Variants in SORCS1 observed in about 807,000 individuals in gnomAD.
SORCS1 encodes VPS10 domain-containing receptor SorCS1.
Under a neutral mutation model 146.1 loss-of-function variants are expected in SORCS1, and 60 were observed. The observed-to-expected ratio is 0.41, with a 90% CI of 0.33 to 0.51. The LOEUF (loss-of-function observed/expected upper bound fraction) is 0.51. Among genes scored for constraint, SORCS1 ranks in the 20% least tolerant of loss-of-function variants. SORCS1 has a pLI of 0.21. For missense variants in SORCS1, 1,352 were observed against 1,487.6 expected, an observed-to-expected ratio of 0.91 and a Z score of 1.50; for synonymous variants, 637 against 584.0, an observed-to-expected ratio of 1.09 and a Z score of -1.31.
intron 1 of SORCS1, among the ~76,000 whole-genome samples, chr10:107,161,481 C>T (rs1322897308): frequency 1.3e-5 from 2 of 152,138 alleles, no homozygotes; most frequent in East Asian, 3.9e-4. Context: ...GTTGAGAGTT[C>T]CAAACAAGTG....
rs1954696204 is a variant in SORCS1 at position 106,951,743 on chromosome 10, A to C, written c.626+4770T>G. 2.0e-5 allele frequency among the ~76,000 whole-genome samples: 3 copies of C among 152,330 alleles called. No homozygotes were observed. In the South Asian group the frequency reaches 6.2e-4, roughly 32 times the overall value. ...GCTCTGTTTAAAAACACAGTTACTG[A>C]GCACTAGCTATATGCTAAGTCTTGT... is the stretch of plus-strand genomic sequence containing the variant. On this transcript the variant is annotated intron_variant, in intron 2 of 25. Coordinates refer to ENST00000263054, the MANE Select transcript of SORCS1 (RefSeq NM_052918.5).
At chr10:106,912,806 G>A (rs1447959002) in intron 2 of SORCS1, among the ~76,000 whole-genome samples, 1 of 152,020 alleles carries the variant, frequency 6.6e-6, no homozygotes, top group Non-Finnish European at 1.5e-5. Context: ...AGCCTCCTGA[G>A]TAGCTGGGAC....
At chr10:106,668,243 A>G (rs1410336735) in intron 16 of SORCS1, among the ~76,000 whole-genome samples, 1 of 152,194 alleles carries the variant, frequency 6.6e-6, no homozygotes, top group East Asian at 1.9e-4. Flanking sequence ...ATGCTCTTCC[A>G]AGACATCTGG....
intron 2 of SORCS1, among the ~76,000 whole-genome samples, chr10:106,833,168 A>G (rs1236815060): frequency 6.6e-6 from 1 of 152,122 alleles, no homozygotes; most frequent in Non-Finnish European, 1.5e-5. Flanking sequence ...TAATTCATCC[A>G]CCAATCCAGA....
intron 1 of SORCS1, among the ~76,000 whole-genome samples, chr10:106,983,421 CAT>C (rs2139372614): frequency 6.6e-6 from 1 of 152,038 alleles, no homozygotes; most frequent in African/African-American, 2.4e-5. Flanking sequence ...TACTTTACCT[CAT>C]AGGTAGTAGA....
At chr10:106,781,766 A>G (rs924398950) in intron 3 of SORCS1, among the ~76,000 whole-genome samples, 1 of 152,198 alleles carries the variant, frequency 6.6e-6, no homozygotes, top group Non-Finnish European at 1.5e-5. Context: ...TGAGGGAAAG[A>G]GCAATTAAGT....
chr10:106,770,490 A>G (rs1859938271), intron 4 of SORCS1, among the ~76,000 whole-genome samples: 1 of 152,138 alleles, frequency 6.6e-6, no homozygotes. Context: ...CAAAAAAAAA[A>G]AAAAAATTAA....
At chr10:107,135,165 A>G (rs1234000112) in intron 1 of SORCS1, among the ~76,000 whole-genome samples, 2 of 152,234 alleles carry the variant, frequency 1.3e-5, no homozygotes. Context: ...TTATTATGGT[A>G]AGATCATTAG....
At chr10:106,871,467 G>A (rs917433770) in intron 2 of SORCS1, among the ~76,000 whole-genome samples, 4 of 152,096 alleles carry the variant, frequency 2.6e-5, no homozygotes, top group South Asian at 2.1e-4. Flanking sequence ...CACAATTCAC[G>A]ATAGCAAAGA....
intron 2 of SORCS1, among the ~76,000 whole-genome samples, chr10:106,849,078 C>T (rs1386078919): frequency 2.0e-5 from 3 of 146,380 alleles, no homozygotes; most frequent in Non-Finnish European, 4.6e-5. Context: ...AGTTGCTCTT[C>T]TCGAGGAGTA....
intron 1 of SORCS1, among the ~76,000 whole-genome samples, chr10:107,005,936 T>C (rs1018395089): frequency 1.3e-5 from 2 of 152,230 alleles, no homozygotes; most frequent in African/African-American, 4.8e-5. Flanking sequence ...TAGAAAATTA[T>C]ATCAATTGCC....
Position 106,842,461 on chromosome 10 carries a change from T to A in SORCS1, c.627-12788A>T, listed in dbSNP as rs1037787721. 9.3e-4 allele frequency among the ~76,000 whole-genome samples: 142 copies of A among 152,142 alleles called. 1 individual carries two copies. Among genetic ancestry groups the A allele is most frequent in the Admixed American group, 9.2e-3 (140 of 15,278 alleles). ...GTTGGCCAGGCTGGTCTCGAACTTC[T>A]GACCTCAGGTGATCTGCCCACCTCA... On this transcript the variant is annotated intron_variant, in intron 2 of 25. Coordinates refer to ENST00000263054, the MANE Select transcript of SORCS1 (RefSeq NM_052918.5).
rs190311460 is a variant in SORCS1 at position 106,991,207 on chromosome 10, C to T, written c.559-34627G>A. On this transcript the variant is annotated intron_variant, in intron 1 of 25. Transcript: ENST00000263054. The stretch of plus-strand genomic sequence containing the variant: ...CTCGGGATACAGGAGAGCTTTCCAT[C>T]CACACCAGTGCCTATTCAGCACGTG... 3.9e-4 allele frequency among the ~76,000 whole-genome samples: 60 copies of T among 152,334 alleles called. No homozygotes were observed. In the East Asian group the frequency reaches 6.9e-3, roughly 18 times the overall value.
At chr10:106,702,362 T>C (rs1854198977) in intron 8 of SORCS1, among the ~76,000 whole-genome samples, 1 of 152,218 alleles carries the variant, frequency 6.6e-6, no homozygotes, top group Admixed American at 6.5e-5. Context: ...GCATAGCTAA[T>C]TCCCACTTCT....
At chr10:107,028,248 A>C (rs577025429) in intron 1 of SORCS1, among the ~76,000 whole-genome samples, 1 of 152,348 alleles carries the variant, frequency 6.6e-6, no homozygotes, top group East Asian at 1.9e-4. Flanking sequence ...ATTGGAAGAA[A>C]GCATTAAATA....
intron 2 of SORCS1, among the ~76,000 whole-genome samples, chr10:106,955,469 G>A (rs1477387488): frequency 6.6e-6 from 1 of 152,232 alleles, no homozygotes; most frequent in Non-Finnish European, 1.5e-5. Context: ...AGTGGGCAGA[G>A]CAAGCCCTGT....
At position 106,757,871 on chromosome 10, in the gene SORCS1, G is replaced by A. The variant is rs115291836; in HGVS notation, c.959+3717C>T. On this transcript the variant is annotated intron_variant, in intron 5 of 25. Transcript: ENST00000263054. Reference sequence around the variant, plus strand: ...TCTGGCTCTGGCACTTTCCAGCTGGGTAACTTTAGCCAAATTACTTACCTT... The same window carrying A: ...TCTGGCTCTGGCACTTTCCAGCTGGATAACTTTAGCCAAATTACTTACCTT... Among the ~76,000 whole-genome samples the A allele has an allele frequency of 1.9e-3, 285 of 152,290 alleles. 2 individuals carry two copies. The highest frequency in any genetic ancestry group is 6.6e-3 in the African/African-American group (273 of 41,562).
At chr10:106,728,361 T>C (rs2135996848) in intron 6 of SORCS1, among the ~76,000 whole-genome samples, 1 of 152,276 alleles carries the variant, frequency 6.6e-6, no homozygotes, top group African/African-American at 2.4e-5. Flanking sequence ...GATAACATCA[T>C]CTGCTCCAGG....
At chr10:107,138,543 G>A (rs540071382) in intron 1 of SORCS1, among the ~76,000 whole-genome samples, 5 of 152,020 alleles carry the variant, frequency 3.3e-5, no homozygotes, top group Admixed American at 1.3e-4. Flanking sequence ...CCCATTCTTC[G>A]TCTAAGATAG....
Sources: gnomAD v4.1 joint callset for allele counts (sites outside exome capture counted in the v4.1 genomes callset) on GRCh38, gnomAD v4.1.1 for gene constraint, MANE v1.5 for transcripts, NCBI Gene and HGNC (gene_info 2026-07-23, HGNC 2026-07-21) for gene names.